SACS: variants seen among roughly 807,000 people sequenced by gnomAD.
SACS encodes the protein sacsin molecular chaperone, also known as sacsin.
In SACS, 197 loss-of-function variants were observed where a neutral mutation model predicts 348.0. That is an observed-to-expected ratio of 0.57 (90% CI 0.50 to 0.64). SACS has a LOEUF of 0.64. Ranked by LOEUF, SACS falls within the 30% of genes least tolerant of loss-of-function variation. The pLI is 0.00. For missense variants in SACS, 4,999 were observed against 5,360.8 expected (o/e 0.93, Z 2.11); for synonymous variants, 1,985 against 1,910.6 (o/e 1.04, Z -1.02).
chr13:23,381,366 C>G, intron 2 of SACS, among the ~76,000 whole-genome samples: 1 of 151,182 alleles, frequency 6.6e-6, no homozygotes, highest in South Asian at 2.1e-4. Flanking sequence ...CACACACACA[C>G]ACACACACAC....
At chr13:23,425,889 A>G (rs1009334094) in intron 1 of SACS, among the ~76,000 whole-genome samples, 1 of 152,210 alleles carries the variant, frequency 6.6e-6, no homozygotes, top group Non-Finnish European at 1.5e-5. Context: ...AAATTTTTAT[A>G]CAATTGGAAT....
intron 2 of SACS, among the ~76,000 whole-genome samples, chr13:23,390,011 A>C (rs1001705752): frequency 3.5e-5 from 5 of 144,350 alleles, no homozygotes; most frequent in Non-Finnish European, 6.3e-5. Context: ...ATTTTCTACA[A>C]ATTTTCAATG....
At chr13:23,425,934 A>G (rs1489569847) in intron 1 of SACS, among the ~76,000 whole-genome samples, 1 of 152,210 alleles carries the variant, frequency 6.6e-6, no homozygotes. Context: ...CAATACAATA[A>G]GATTACCTTG....
chr13:23,381,429 A>G (rs538388515), intron 2 of SACS, among the ~76,000 whole-genome samples: 1 of 150,722 alleles, frequency 6.6e-6, no homozygotes, highest in Non-Finnish European at 1.5e-5. Flanking sequence ...GGCAGCATGA[A>G]GCGCGCGCAC....
At position 23,411,355 on chromosome 13, in the gene SACS, GC is replaced by G; in HGVS notation, c.-117del. On this transcript the variant is annotated 5_prime_UTR_variant, in exon 2 of 10. It removes the in-frame stop codon of an upstream open reading frame in the 5' UTR. Transcript: ENST00000382292. ...GTGTACTCCAAGTTCAGCTCTTCCT[GC>G]CAGGTGGAAAAAAAGCCTGTTTTTC... The G allele has an allele frequency of 2.1e-6, 2 of 952,240 alleles. No individual in the cohort carries two copies. The highest frequency in any genetic ancestry group is 3.4e-6 in the Non-Finnish European group (2 of 591,618). 59.0% of individuals were successfully genotyped at this position (952,240 alleles called of 1,614,324 possible). A position where few individuals can be genotyped will look rare whatever the true frequency, so the allele number is the denominator to read the frequency against.
Position 23,329,718 on chromosome 13 carries a change from A to G in SACS, c.*418T>C. ...CTTAAAAAAATGACAGACTACAAAG[A>G]CTTAATTCCCCTTATGTTTAAACCA... On this transcript the variant is annotated 3_prime_UTR_variant, in exon 10 of 10. Transcript: ENST00000382292. 2.0e-6 allele frequency: 1 copy of G among 510,440 alleles called. No individual in the cohort carries two copies. Among genetic ancestry groups the G allele is most frequent in the African/African-American group, 2.0e-5 (1 of 51,100 alleles). 31.6% of individuals were successfully genotyped at this position (510,440 alleles called of 1,614,324 possible).
Position 23,358,469 on chromosome 13 carries a change from T to G in SACS, c.470A>C (p.Tyr157Ser), listed in dbSNP as rs1239497172. 4 of 1,614,142 alleles carry G rather than the reference T, an allele frequency of 2.5e-6. No homozygotes were observed. Among genetic ancestry groups the G allele is most frequent in the Non-Finnish European group, 3.4e-6 (4 of 1,180,026 alleles). The stretch of plus-strand genomic sequence containing the variant: ...GGTGAAAACCGCGTTGTTGTACACA[T>G]AGAGAGCTGGCCCTAGGTGTGAAAA... Reference protein sequence around the residue: ...DMAPYQGPALYVYNNAVFTPE... With the variant: ...DMAPYQGPALSVYNNAVFTPE... Residue 157 changes from tyrosine (Y) to serine (S), a missense_variant, in exon 7 of 10, where the codon TAT becomes TCT. Tyr to Ser is a moderately radical substitution (Grantham distance 144). Transcript: ENST00000382292.
In SACS at chr13:23,337,726, T is replaced by C. The variant is rs1370520115; in HGVS notation, c.6150A>G (p.Thr2050=). 6 of 1,613,366 alleles carry C rather than the reference T, an allele frequency of 3.7e-6. No homozygotes were observed. In the East Asian group the frequency reaches 1.1e-4, roughly 30 times the overall value. ...AGCKQILLEN[T]FSEKQFFSEV... is the part of the protein sequence containing the mutation. ...CAGAAAAAAACTGTTTCTCTGAAAA[T>C]GTGTTTTCAAGTAGTATCTGTTTGC... The change falls in exon 10 of 10, where the codon ACA becomes ACG. Residue 2050 remains threonine (T), a synonymous_variant. Transcript: ENST00000382292.
At position 23,335,577 on chromosome 13, in the gene SACS, C is replaced by T. The variant is rs768686114; in HGVS notation, c.8299G>A (p.Gly2767Ser). The T allele has an allele frequency of 6.2e-6, 10 of 1,613,652 alleles. No individual in the cohort carries two copies. The highest frequency in any genetic ancestry group is 1.3e-5 in the African/African-American group (1 of 74,988). Reference sequence around the variant, plus strand: ...AATCTGTCTCCATCTGTGATTTTGCCCTTTACTGAATACAGCACATTTAGA... The same window carrying T: ...AATCTGTCTCCATCTGTGATTTTGCTCTTTACTGAATACAGCACATTTAGA... ...GALNVLYSVKGKITDGDRLKR... is the reference protein window; with the variant it reads ...GALNVLYSVKSKITDGDRLKR... Residue 2767 changes from glycine (G) to serine (S), a missense_variant, in exon 10 of 10, where the codon GGC (glycine) becomes AGC (serine). By Grantham distance (56) the Gly-to-Ser change is moderately conservative. This residue lies in a region of SACS where 3,156 missense variants were observed against 3,380.1 expected (regional missense o/e 0.93). Coordinates refer to ENST00000382292, the MANE Select transcript of SACS (RefSeq NM_014363.6). The surrounding 1 kb of genome is among the most constrained non-coding windows in gnomAD (Gnocchi z 4.7).
At chr13:23,414,132 G>A (rs1014156298) in intron 1 of SACS, among the ~76,000 whole-genome samples, 8 of 152,052 alleles carry the variant, frequency 5.3e-5, no homozygotes, top group Non-Finnish European at 1.2e-4. Flanking sequence ...GTGAAACCCC[G>A]TCTCTACTAA....
At chr13:23,414,037 G>T (rs1873606066) in intron 1 of SACS, among the ~76,000 whole-genome samples, 1 of 152,198 alleles carries the variant, frequency 6.6e-6, no homozygotes, top group Non-Finnish European at 1.5e-5. Context: ...GTGCACAGTG[G>T]CTCACGCCTG....
Position 23,336,721 on chromosome 13 carries a change from A to T in SACS, c.7155T>A (p.Leu2385=). Residue 2385 remains leucine, a synonymous_variant, in exon 10 of 10, where the codon CTT becomes CTA. Transcript: ENST00000382292. ...PNKYKNNFRE[L]FETVGVRQSC... is the part of the protein sequence containing the mutation. Reference sequence around the variant, plus strand: ...ACTGCCTCACACCCACGGTTTCAAAAAGTTCGCGGAAATTATTTTTATACT... The same window carrying T: ...ACTGCCTCACACCCACGGTTTCAAATAGTTCGCGGAAATTATTTTTATACT... 1 of 1,613,868 alleles carries T rather than the reference A, an allele frequency of 6.2e-7. No individual in the cohort carries two copies. Among genetic ancestry groups the T allele is most frequent in the Non-Finnish European group, 8.5e-7 (1 of 1,179,872 alleles).
Position 23,361,651 on chromosome 13 carries a change from C to T in SACS, c.458-3170G>A, listed in dbSNP as rs138066952. 2.5e-3 allele frequency among the ~76,000 whole-genome samples: 375 copies of T among 152,168 alleles called. 4 individuals carry two copies. The highest frequency in any genetic ancestry group is 1.1e-3 in the Non-Finnish European group (76 of 68,006). ...AATTAGCTGGGCATGGTGGCAGAAG[C>T]CTATAATCCGAGCTATTCAGGAGGC... On this transcript the variant is annotated intron_variant, in intron 6 of 9. Coordinates refer to ENST00000382292, the MANE Select transcript of SACS (RefSeq NM_014363.6).
chr13:23,403,224 C>CA (rs1408286165), intron 2 of SACS, among the ~76,000 whole-genome samples: 1 of 151,810 alleles, frequency 6.6e-6, no homozygotes, highest in East Asian at 1.9e-4. Flanking sequence ...AAGCAAACTT[C>CA]AAAAAACTCA....
intron 2 of SACS, among the ~76,000 whole-genome samples, chr13:23,404,127 C>A (rs9510723): frequency 6.6e-6 from 1 of 152,034 alleles, no homozygotes; most frequent in Non-Finnish European, 1.5e-5. Context: ...TTATGATTTG[C>A]GTTCTTTTGC....
In SACS at chr13:23,330,782, T is replaced by C. The variant is rs759419003; in HGVS notation, c.13094A>G (p.Gln4365Arg). 9.3e-6 allele frequency: 15 copies of C among 1,613,826 alleles called. No individual in the cohort carries two copies. The East Asian group carries it at 3.3e-4, about 36-fold the overall frequency. ...GTCTGCATTTTGATCTAGAAAAGCC[T>C]GTTTTTCTAATCTGTTGATTTCATT... Reference protein sequence around the residue: ...LQNEINRLEKQAFLDQNADRA... With the variant: ...LQNEINRLEKRAFLDQNADRA... The change falls in exon 10 of 10, where the codon CAG (glutamine) becomes CGG (arginine). Residue 4365 changes from glutamine to arginine, a missense_variant. Transcript: ENST00000382292.
intron 2 of SACS, among the ~76,000 whole-genome samples, chr13:23,399,340 T>C (rs1003547958): frequency 1.3e-5 from 2 of 152,152 alleles, no homozygotes; most frequent in African/African-American, 4.8e-5. Flanking sequence ...CTGTAACAAC[T>C]TCTGCCGGTC....
chr13:23,334,917 C>T lies in SACS; in HGVS notation c.8959G>A (p.Glu2987Lys), dbSNP rs1443594317. 9.3e-6 allele frequency: 15 copies of T among 1,613,642 alleles called. No homozygotes were observed. The highest frequency in any genetic ancestry group is 3.3e-4 in the Middle Eastern group (2 of 6,084). ...LVKALYNCIH[E>K]DMKRLLPVVR... Reference sequence around the variant, plus strand: ...ACAGGTAAAAGACGTTTCATGTCTTCGTGAATGCAATTGTAAAGTGCTTTC... The same window carrying T: ...ACAGGTAAAAGACGTTTCATGTCTTTGTGAATGCAATTGTAAAGTGCTTTC... The change falls in exon 10 of 10, where the codon GAA becomes AAA. Residue 2987 changes from glutamate (E) to lysine (K), a missense_variant. Coordinates refer to ENST00000382292, the MANE Select transcript of SACS (RefSeq NM_014363.6).
At position 23,331,299 on chromosome 13, in the gene SACS, T is replaced by C. The variant is rs760892489; in HGVS notation, c.12577A>G (p.Ile4193Val). 3 of 1,614,016 alleles carry C rather than the reference T, an allele frequency of 1.9e-6. No homozygotes were observed. The highest frequency in any genetic ancestry group is 2.2e-5 in the South Asian group (2 of 91,084). ...TATGTTGGCTGGTATGATCCATAGA[T>C]ATCACCACCTTCAGCATCAACAAGG... is the stretch of plus-strand genomic sequence containing the variant. Reference protein sequence around the residue: ...GYLVDAEGGDIYGSYQPTYTY... With the variant: ...GYLVDAEGGDVYGSYQPTYTY... Residue 4193 changes from isoleucine to valine, a missense_variant, in exon 10 of 10, where the codon ATC becomes GTC. Physicochemically the swap from Ile to Val is conservative, Grantham distance 29. Transcript: ENST00000382292.
Sources: gnomAD v4.1 joint callset for allele counts (sites outside exome capture counted in the v4.1 genomes callset) on GRCh38, gnomAD v4.1.1 for gene constraint, gnomAD v4.1.1 regional missense constraint, Gnocchi (gnomAD v3.1) non-coding constraint, MANE v1.5 for transcripts, NCBI Gene and HGNC (gene_info 2026-07-23, HGNC 2026-07-21) for gene names.